NREP: variants seen among roughly 807,000 people sequenced by gnomAD.
The protein encoded by NREP is neuronal regeneration-related protein.
In NREP, 5 loss-of-function variants were observed where a neutral mutation model predicts 8.6. That is an observed-to-expected ratio of 0.58 (90% confidence interval 0.30 to 1.22). The LOEUF (loss-of-function observed/expected upper bound fraction) is 1.22. Among genes scored for constraint, NREP ranks in the 50% most tolerant of loss-of-function variants. NREP has a pLI of 0.07. For missense variants in NREP, 86 were observed against 82.5 expected, an observed-to-expected ratio of 1.04 and a Z score of -0.17; for synonymous variants, 27 against 28.0, an observed-to-expected ratio of 0.96 and a Z score of 0.11.
At chr5:111,777,346 G>A (rs1751388765) in intron 2 of NREP, among the ~76,000 whole-genome samples, 1 of 146,186 alleles carries the variant, frequency 6.8e-6, no homozygotes, top group South Asian at 2.1e-4. Context: ...TGGTGTGGGT[G>A]TGTGTGTGAG....
At chr5:111,883,273 C>G (rs1415196251) in intron 2 of NREP, among the ~76,000 whole-genome samples, 1 of 152,228 alleles carries the variant, frequency 6.6e-6, no homozygotes, top group Non-Finnish European at 1.5e-5. Context: ...GAAGAGCTAA[C>G]TATCCTAAAT....
At chr5:111,741,840 C>G (rs886936774) in intron 2 of NREP, among the ~76,000 whole-genome samples, 158 of 151,944 alleles carry the variant, frequency 1.0e-3, no homozygotes, top group African/African-American at 3.2e-3. Flanking sequence ...CACACACACA[C>G]ACACACACAC....
intron 2 of NREP, among the ~76,000 whole-genome samples, chr5:111,828,606 T>C (rs1001914431): frequency 6.6e-6 from 1 of 152,046 alleles, no homozygotes; most frequent in African/African-American, 2.4e-5. Context: ...GCAATTACCG[T>C]TGATTGCTTT....
intron 2 of NREP, among the ~76,000 whole-genome samples, chr5:111,805,207 A>T (rs867512841): frequency 7.2e-4 from 109 of 152,340 alleles, no homozygotes; most frequent in African/African-American, 2.5e-3. Context: ...CACACAGGCT[A>T]TGGGCTCTTT....
intron 2 of NREP, among the ~76,000 whole-genome samples, chr5:111,952,733 A>G (rs1046561137): frequency 2.0e-5 from 3 of 152,092 alleles, no homozygotes; most frequent in Non-Finnish European, 2.9e-5. Flanking sequence ...AAGAGGGGGA[A>G]GTTGGTTGGA....
chr5:111,874,992 C>G (rs991502266), intron 2 of NREP, among the ~76,000 whole-genome samples: 3 of 152,116 alleles, frequency 2.0e-5, no homozygotes, highest in South Asian at 2.1e-4. Context: ...AGAAAAACAA[C>G]CTTTCCCAGT....
intron 2 of NREP, among the ~76,000 whole-genome samples, chr5:111,802,116 T>C (rs1050860267): frequency 1.8e-4 from 28 of 152,194 alleles, no homozygotes; most frequent in African/African-American, 6.8e-4. Flanking sequence ...AATACCTCTA[T>C]TTAAGAACCA....
At chr5:111,922,284 C>T (rs1302969813) in intron 2 of NREP, among the ~76,000 whole-genome samples, 2 of 151,966 alleles carry the variant, frequency 1.3e-5, no homozygotes, top group Admixed American at 6.6e-5. Flanking sequence ...ATATTGTATG[C>T]CTAGTGCCTT....
intron 2 of NREP, among the ~76,000 whole-genome samples, chr5:111,831,566 G>C (rs749816137): frequency 2.0e-5 from 3 of 152,054 alleles, no homozygotes; most frequent in Non-Finnish European, 4.4e-5. Context: ...CAATGCCAAA[G>C]GATTTTTGAC....
intron 2 of NREP, among the ~76,000 whole-genome samples, chr5:111,939,443 C>A (rs2112613320): frequency 6.6e-6 from 1 of 152,030 alleles, no homozygotes; most frequent in Admixed American, 6.6e-5. Flanking sequence ...TCTGGGAAAT[C>A]CTCATTATTT....
chr5:111,808,305 G>T (rs982813553), intron 2 of NREP, among the ~76,000 whole-genome samples: 2 of 152,176 alleles, frequency 1.3e-5, no homozygotes, highest in Non-Finnish European at 1.5e-5. Context: ...TGGGGAGGGG[G>T]TGTCTATCTC....
At chr5:111,728,982 G>A (rs891142405), downstream of NREP, 3 of 152,182 alleles carry the variant, frequency 2.0e-5, no homozygotes, top group East Asian at 5.8e-4. Context: ...GGCAAGGAGT[G>A]AGAAAGAGTA....
chr5:111,887,605 T>C (rs1754293202), intron 2 of NREP, among the ~76,000 whole-genome samples: 1 of 152,106 alleles, frequency 6.6e-6, no homozygotes, highest in Non-Finnish European at 1.5e-5. Context: ...ATATAAAGAA[T>C]GGAAAAGAGG....
At chr5:111,738,306 C>T (rs1275190936) in intron 2 of NREP, 2 of 152,260 alleles carry the variant, frequency 1.3e-5, no homozygotes, top group East Asian at 3.9e-4. Flanking sequence ...TGATTCAGAC[C>T]TGACCTTTGG....
chr5:111,937,651 C>G (rs1226322662), intron 2 of NREP, among the ~76,000 whole-genome samples: 1 of 151,990 alleles, frequency 6.6e-6, no homozygotes, highest in Non-Finnish European at 1.5e-5. Context: ...GTAGAAAGGA[C>G]CCATCTATTT....
intron 2 of NREP, among the ~76,000 whole-genome samples, chr5:111,869,140 T>A (rs1753731501): frequency 6.6e-6 from 1 of 152,090 alleles, no homozygotes; most frequent in South Asian, 2.1e-4. Flanking sequence ...CAACTATGAG[T>A]CTGTATGCAA....
chr5:111,854,949 A>G (rs942223585), intron 2 of NREP, among the ~76,000 whole-genome samples: 6 of 152,176 alleles, frequency 3.9e-5, no homozygotes, highest in African/African-American at 1.4e-4. Context: ...GTACTATTCC[A>G]TAGTATGAAT....
At chr5:111,742,886 G>T (rs911774804) in intron 2 of NREP, among the ~76,000 whole-genome samples, 26 of 152,052 alleles carry the variant, frequency 1.7e-4, no homozygotes, top group African/African-American at 6.3e-4. Flanking sequence ...ACTGATCGAG[G>T]AATTCTCAGA....
intron 2 of NREP, among the ~76,000 whole-genome samples, chr5:111,881,511 T>C (rs7703387): frequency 0.53 from 80,526 of 152,050 alleles, 22,479 homozygotes; most frequent in Non-Finnish European, 0.64. Flanking sequence ...GATCTGAGAA[T>C]GGGCAGACTG....
Sources: allele counts gnomAD v4.1 joint callset (sites outside exome capture counted in the v4.1 genomes callset), GRCh38; gene constraint gnomAD v4.1.1; transcripts MANE v1.5; gene names NCBI Gene and HGNC (gene_info 2026-07-23, HGNC 2026-07-21).